MAL2: variants seen among roughly 807,000 people sequenced by gnomAD.
The protein encoded by MAL2 is protein MAL2.
Under a neutral mutation model 18.1 loss-of-function variants are expected in MAL2, and 17 were observed. The observed-to-expected ratio is 0.94, with a 90% CI of 0.64 to 1.41. The LOEUF (loss-of-function observed/expected upper bound fraction) is 1.41, where lower values mean the gene tolerates loss of function less well. Among genes scored for constraint, MAL2 ranks in the 40% most tolerant of loss-of-function variants. The pLI, the probability that MAL2 is intolerant of heterozygous loss-of-function variation, is 0.00. For missense variants in MAL2, 222 were observed against 231.9 expected (o/e 0.96, Z 0.28); for synonymous variants, 102 against 102.3 (o/e 1.00, Z 0.02).
chr8:119,236,511 ACACCT>A (rs1439526293), intron 2 of MAL2, among the ~76,000 whole-genome samples: 8 of 151,404 alleles, frequency 5.3e-5, no homozygotes, highest in Middle Eastern at 3.4e-3. Flanking sequence ...GCACCACACC[ACACCT>A]ATTCCAAAAT....
intron 2 of MAL2, among the ~76,000 whole-genome samples, chr8:119,239,220 A>G (rs1245458412): frequency 6.6e-6 from 1 of 152,208 alleles, no homozygotes; most frequent in African/African-American, 2.4e-5. Context: ...CAAAACCACA[A>G]TGAGATATCA....
intron 2 of MAL2, among the ~76,000 whole-genome samples, chr8:119,236,589 A>G (rs1214798940): frequency 6.6e-6 from 1 of 151,780 alleles, no homozygotes; most frequent in Non-Finnish European, 1.5e-5. Context: ...ATTATAACAA[A>G]CTCTCTCAGA....
chr8:119,221,599 C>T lies in MAL2; in HGVS notation c.145C>T (p.Leu49Phe), dbSNP rs1817465322. The change falls in exon 2 of 4, where the codon CTT (leucine) becomes TTT (phenylalanine). Residue 49 changes from leucine to phenylalanine, a missense_variant. Coordinates refer to ENST00000614891, the MANE Select transcript of MAL2 (RefSeq NM_052886.3). ...FVCLEILFGG[L>F]VWILVASSNV... ...TTTTCTCTTTCAGCTGTTCGGGGGT[C>T]TTGTCTGGATTTTGGTTGCCTCCTC... 6.2e-7 allele frequency: 1 copy of T among 1,613,662 alleles called. No individual in the cohort carries two copies. Among genetic ancestry groups the T allele is most frequent in the Non-Finnish European group, 8.5e-7 (1 of 1,179,802 alleles).
In MAL2 at chr8:119,208,797, ACG is replaced by A. The variant is rs1456369103; in HGVS notation, c.132+196_132+197del. On this transcript the variant is annotated intron_variant, in intron 1 of 3. Coordinates refer to ENST00000614891, the MANE Select transcript of MAL2 (RefSeq NM_052886.3). The surrounding 1 kb of genome is among the most constrained non-coding windows in gnomAD (Gnocchi z 4.3). ...CGGGCCCTCCCTCCTAGCACCTGTT[ACG>A]CGGGCACCTGCTCCCCCGCGGGCGA... The A allele has an allele frequency of 1.1e-6, 1 of 886,506 alleles. No homozygotes were observed. The highest frequency in any genetic ancestry group is 1.5e-6 in the Non-Finnish European group (1 of 680,228). The allele number at this position is 886,506 out of a possible 1,614,324, so 54.9% of individuals were successfully genotyped here.
chr8:119,212,679 A>C (rs1817284688), intron 1 of MAL2, among the ~76,000 whole-genome samples: 1 of 152,238 alleles, frequency 6.6e-6, no homozygotes, highest in Non-Finnish European at 1.5e-5. Context: ...AGGTGGGGAC[A>C]TTTGAGGTTA....
intron 1 of MAL2, among the ~76,000 whole-genome samples, chr8:119,209,394 T>C (rs1817236856): frequency 1.3e-5 from 2 of 152,240 alleles, no homozygotes; most frequent in South Asian, 2.1e-4. Context: ...TACCTGCCTG[T>C]CGTGCAGCCT....
rs1479924473 is a variant in MAL2 at position 119,231,856 on chromosome 8, T to TCTTGAACAGTTGAATTCAC, written c.304-8308_304-8290dup. On this transcript the variant is annotated intron_variant, in intron 2 of 3. Coordinates refer to ENST00000614891, the MANE Select transcript of MAL2 (RefSeq NM_052886.3). ...CGCATGATCTCACTTATATGTGAAA[T>TCTTGAACAGTTGAATTCAC]CTTGAACAGTTGAATTCACAGAAGT... is the stretch of plus-strand genomic sequence containing the variant. 6.1e-3 allele frequency among the ~76,000 whole-genome samples: 924 copies of TCTTGAACAGTTGAATTCAC among 152,234 alleles called. 11 individuals carry two copies. Among genetic ancestry groups the TCTTGAACAGTTGAATTCAC allele is most frequent in the African/African-American group, 0.021 (872 of 41,524 alleles).
chr8:119,222,911 T>C (rs961396075), intron 2 of MAL2, among the ~76,000 whole-genome samples: 1 of 152,168 alleles, frequency 6.6e-6, no homozygotes, highest in African/African-American at 2.4e-5. Flanking sequence ...TTTTGTTTAG[T>C]ATATAGAGCT....
intron 1 of MAL2, among the ~76,000 whole-genome samples, chr8:119,219,836 AGAG>A (rs151032947): frequency 0.05 from 7,627 of 152,264 alleles, 245 homozygotes; most frequent in Middle Eastern, 0.13. Flanking sequence ...GAGGTTGCCC[AGAG>A]GAGGGAGGCA....
At chr8:119,235,434 G>A (rs1817862083) in intron 2 of MAL2, among the ~76,000 whole-genome samples, 1 of 151,910 alleles carries the variant, frequency 6.6e-6, no homozygotes. Flanking sequence ...TTCAGATTCA[G>A]GAAATACAGA....
chr8:119,245,584 TGTTG>T lies in MAL2; in HGVS notation c.*2104_*2107del. ...TGTCTTAGCTGTAAAAATGAGAAAGTGTTGGTTGGTTTTAAAATCTGGTAACTCC... is the reference window on the plus strand; with the variant it reads ...TGTCTTAGCTGTAAAAATGAGAAAGTGTTGGTTTTAAAATCTGGTAACTCC... On this transcript the variant is annotated 3_prime_UTR_variant, in exon 4 of 4. Coordinates refer to ENST00000614891, the MANE Select transcript of MAL2 (RefSeq NM_052886.3). 6.6e-6 allele frequency: 1 copy of T among 152,528 alleles called. No individual in the cohort carries two copies. The highest frequency in any genetic ancestry group is 1.5e-5 in the Non-Finnish European group (1 of 68,024). The allele number at this position is 152,528 out of a possible 1,614,324, so 9.4% of individuals were successfully genotyped here.
At chr8:119,213,897 T>C (rs1219688394) in intron 1 of MAL2, among the ~76,000 whole-genome samples, 1 of 152,128 alleles carries the variant, frequency 6.6e-6, no homozygotes, top group Non-Finnish European at 1.5e-5. Context: ...CAGAGATTAT[T>C]ATCAACAATC....
chr8:119,239,238 C>G (rs1817991020), intron 2 of MAL2, among the ~76,000 whole-genome samples: 1 of 152,242 alleles, frequency 6.6e-6, no homozygotes, highest in African/African-American at 2.4e-5. Context: ...TCATCTCATA[C>G]CAGTTAGAAT....
Position 119,243,437 on chromosome 8 carries a change from A to G in MAL2, c.480A>G (p.Thr160=). 6.3e-7 allele frequency: 1 copy of G among 1,598,982 alleles called. No individual in the cohort carries two copies. Among genetic ancestry groups the G allele is most frequent in the Non-Finnish European group, 8.5e-7 (1 of 1,171,932 alleles). ...VAASIFAFMT[T]ACYGCSLGLA... is the part of the protein sequence containing the mutation. ...CTTAGATTTTTGCCTTTATGACGACAGCTTGTTATGGTTGCAGTTTGGGTC... is the reference window on the plus strand; with the variant it reads ...CTTAGATTTTTGCCTTTATGACGACGGCTTGTTATGGTTGCAGTTTGGGTC... The change falls in exon 4 of 4, where the codon ACA becomes ACG. Residue 160 remains threonine (T), a synonymous_variant. Transcript: ENST00000614891.
At chr8:119,215,109 AG>A (rs1232413260) in intron 1 of MAL2, 3 of 152,514 alleles carry the variant, frequency 2.0e-5, no homozygotes, top group African/African-American at 7.2e-5. Context: ...GGCCGAAAAA[AG>A]ATTTAAAATT....
intron 1 of MAL2, among the ~76,000 whole-genome samples, chr8:119,211,197 T>C (rs1817263586): frequency 6.6e-6 from 1 of 152,188 alleles, no homozygotes. Flanking sequence ...CTCCCATGGC[T>C]CCTCCTCAGA....
chr8:119,231,023 T>C (rs1011806670), intron 2 of MAL2, among the ~76,000 whole-genome samples: 1 of 150,720 alleles, frequency 6.6e-6, no homozygotes, highest in Non-Finnish European at 1.5e-5. Context: ...GTGAGAACAG[T>C]TTTTTTTTTT....
intron 2 of MAL2, chr8:119,224,239 T>C (rs937572337): frequency 2.6e-5 from 4 of 152,286 alleles, no homozygotes; most frequent in Admixed American, 6.5e-5. Flanking sequence ...TATAAAGTAC[T>C]AAATACTTGC....
At chr8:119,211,617 G>A (rs751419634) in intron 1 of MAL2, among the ~76,000 whole-genome samples, 21 of 151,666 alleles carry the variant, frequency 1.4e-4, no homozygotes, top group Non-Finnish European at 1.0e-4. Context: ...TATAAATAGT[G>A]CCAGCCTACG....
Sources: allele counts gnomAD v4.1 joint callset (sites outside exome capture counted in the v4.1 genomes callset), GRCh38; gene constraint gnomAD v4.1.1; non-coding constraint Gnocchi (gnomAD v3.1); transcripts MANE v1.5; gene names NCBI Gene and HGNC (gene_info 2026-07-23, HGNC 2026-07-21).